The following SMOX variants were observed in gnomAD, a reference collection of about 807,000 sequenced individuals.
SMOX encodes the protein flavin containing amine oxidase.
A neutral mutation model predicts 51.0 loss-of-function variants in SMOX; 22 were observed. That is an observed-to-expected ratio of 0.43 (90% CI 0.31 to 0.62). The LOEUF is 0.62. Among genes scored for constraint, SMOX ranks in the 20% least tolerant of loss-of-function variants. The pLI, the probability that SMOX is intolerant of heterozygous loss-of-function variation, is 0.10. For synonymous variants in SMOX, 282 were observed against 307.8 expected, an observed-to-expected ratio of 0.92 and a Z score of 0.88; for missense variants, 566 against 777.7, an observed-to-expected ratio of 0.73 and a Z score of 3.24.
At chr20:4,158,423 A>G (rs773326415) in intron 1 of SMOX, among the ~76,000 whole-genome samples, 1 of 152,024 alleles carries the variant, frequency 6.6e-6, no homozygotes, top group African/African-American at 2.4e-5. Context: ...GGATGAGGAA[A>G]AGCATCTGGA....
At chr20:4,162,369 A>G (rs1307680605) in intron 1 of SMOX, among the ~76,000 whole-genome samples, 1 of 152,184 alleles carries the variant, frequency 6.6e-6, no homozygotes, top group Non-Finnish European at 1.5e-5. Flanking sequence ...TCCCGGAGAG[A>G]GAGAAAAGGG....
In SMOX at chr20:4,183,626, T is replaced by C; in HGVS notation, c.1502T>C (p.Leu501Pro). ...GADVEKLAKP[L>P]PYTESSKTAP... ...GATGTGGAGAAGCTGGCCAAGCCCCTGCCGTACACAGAGAGCTCAAAGACA... is the reference window on the plus strand; with the variant it reads ...GATGTGGAGAAGCTGGCCAAGCCCCCGCCGTACACAGAGAGCTCAAAGACA... The change falls in exon 6 of 7, where the codon CTG becomes CCG. Residue 501 changes from leucine (L) to proline (P), a missense_variant. Physicochemically the swap from Leu to Pro is moderately conservative, Grantham distance 98 (BLOSUM62 -3). Transcript: ENST00000305958. This position sits in a 1 kb window ranked among gnomAD's most constrained non-coding sequence, Gnocchi z 4.3. 1 of 1,596,626 alleles carries C rather than the reference T, an allele frequency of 6.3e-7. No individual in the cohort carries two copies. Among genetic ancestry groups the C allele is most frequent in the Non-Finnish European group, 8.5e-7 (1 of 1,171,252 alleles).
At chr20:4,165,775 G>A (rs183916408) in intron 1 of SMOX, among the ~76,000 whole-genome samples, 5 of 152,306 alleles carry the variant, frequency 3.3e-5, no homozygotes, top group South Asian at 2.1e-4. Context: ...GGCCACACTG[G>A]TTAGTGGCAG....
rs769409779 is a variant in SMOX at position 4,186,781 on chromosome 20, C to T, written c.1531-489C>T. Reference sequence around the variant, plus strand: ...CAAAGCAGCAGCCTGGTCACCTTTTCTCTTCCAAGTGCCCAGAACAGCCCC... The same window carrying T: ...CAAAGCAGCAGCCTGGTCACCTTTTTTCTTCCAAGTGCCCAGAACAGCCCC... On this transcript the variant is annotated intron_variant, in intron 6 of 6. Coordinates refer to ENST00000305958, the MANE Select transcript of SMOX (RefSeq NM_175839.3). 1.3e-5 allele frequency: 10 copies of T among 780,984 alleles called. No individual in the cohort carries two copies. In the East Asian group the frequency reaches 2.4e-4, roughly 19 times the overall value. The allele number at this position is 780,984 out of a possible 1,614,324, so 48.4% of individuals were successfully genotyped here.
chr20:4,186,687 T>C (rs772370518), intron 6 of SMOX: 8 of 773,374 alleles, frequency 1.0e-5, no homozygotes, highest in Admixed American at 1.7e-5. Context: ...AAACACCCAT[T>C]CCATCACATA....
At chr20:4,165,296 C>T (rs1281179071) in intron 1 of SMOX, among the ~76,000 whole-genome samples, 5 of 151,964 alleles carry the variant, frequency 3.3e-5, no homozygotes, top group African/African-American at 9.7e-5. Context: ...CCTCATGATC[C>T]GCCCGCCTTG....
intron 1 of SMOX, among the ~76,000 whole-genome samples, chr20:4,163,946 A>G (rs1986444017): frequency 1.3e-5 from 2 of 152,208 alleles, no homozygotes; most frequent in African/African-American, 4.8e-5. Flanking sequence ...AGCTTGGGAG[A>G]GAACTACACC....
chr20:4,165,598 G>T (rs1308728211), intron 1 of SMOX, among the ~76,000 whole-genome samples: 1 of 152,200 alleles, frequency 6.6e-6, no homozygotes, highest in Non-Finnish European at 1.5e-5. Context: ...AGACCATGGG[G>T]TCTTATCCTA....
intron 1 of SMOX, among the ~76,000 whole-genome samples, chr20:4,174,033 G>A (rs187372350): frequency 4.6e-5 from 7 of 152,236 alleles, no homozygotes; most frequent in Admixed American, 4.6e-4. Context: ...TTGGTCCACT[G>A]TTTCCTGGGC....
intron 3 of SMOX, among the ~76,000 whole-genome samples, chr20:4,178,709 GT>G: frequency 6.9e-6 from 1 of 144,928 alleles, no homozygotes; most frequent in East Asian, 2.0e-4. Context: ...TTGAGACGGA[GT>G]TTCGCTCTTG....
chr20:4,180,767 T>C (rs546909932), intron 3 of SMOX, among the ~76,000 whole-genome samples: 1 of 152,194 alleles, frequency 6.6e-6, no homozygotes, highest in African/African-American at 2.4e-5. Flanking sequence ...AATGCTTTTC[T>C]TCTCCCTTTC....
intron 1 of SMOX, among the ~76,000 whole-genome samples, chr20:4,150,318 T>C (rs1303844887): frequency 2.6e-5 from 4 of 152,136 alleles, no homozygotes; most frequent in African/African-American, 7.2e-5. Flanking sequence ...GTCCCACCCC[T>C]TCACTGAAAC....
rs1318276849 is a variant in SMOX at position 4,153,516 on chromosome 20, G to C, written c.-27+4539G>C. Among the ~76,000 whole-genome samples, 2 of 152,094 alleles carry C rather than the reference G, an allele frequency of 1.3e-5. No individual in the cohort carries two copies. The highest frequency in any genetic ancestry group is 3.2e-3 in the Middle Eastern group (1 of 316). On this transcript the variant is annotated intron_variant, in intron 1 of 6. Coordinates refer to ENST00000305958, the MANE Select transcript of SMOX (RefSeq NM_175839.3). The surrounding 1 kb of genome is among the most constrained non-coding windows in gnomAD (Gnocchi z 4.4). ...GGCACGAGGATGACTCTAGGCAGGT[G>C]ACCTGGCCTCCCAGGGACCTGGCTG... is the stretch of plus-strand genomic sequence containing the variant.
At chr20:4,171,964 G>C (rs2122512068) in intron 1 of SMOX, 1 of 152,456 alleles carries the variant, frequency 6.6e-6, no homozygotes, top group East Asian at 1.9e-4. Flanking sequence ...AGCTGGCTGG[G>C]ACGGCCCTGC....
chr20:4,155,074 A>G lies in SMOX; in HGVS notation c.-27+6097A>G, dbSNP rs557658401. ...TGACTGTATCCCGGGGCAGGGTGAC[A>G]TGCAGACAGCACGGAGGGCACCTTA... is the stretch of plus-strand genomic sequence containing the variant. On this transcript the variant is annotated intron_variant, in intron 1 of 6. Coordinates refer to ENST00000305958, the MANE Select transcript of SMOX (RefSeq NM_175839.3). 2.6e-5 allele frequency among the ~76,000 whole-genome samples: 4 copies of G among 152,238 alleles called. No homozygotes were observed. The East Asian group carries it at 7.7e-4, about 29-fold the overall frequency.
chr20:4,162,038 C>T (rs1399936278), intron 1 of SMOX, among the ~76,000 whole-genome samples: 2 of 152,202 alleles, frequency 1.3e-5, no homozygotes, highest in African/African-American at 2.4e-5. Context: ...GTGCCTGCCC[C>T]GCCCCCTTCC....
chr20:4,183,085 G>C lies in SMOX; in HGVS notation c.1369+237G>C. 1 of 620,610 alleles carries C rather than the reference G, an allele frequency of 1.6e-6. No homozygotes were observed. The highest frequency in any genetic ancestry group is 1.8e-5 in the African/African-American group (1 of 54,402). The allele number at this position is 620,610 out of a possible 1,614,324, so 38.4% of individuals were successfully genotyped here. A position where few individuals can be genotyped will look rare whatever the true frequency, so the allele number is the denominator to read the frequency against. ...TGTCTCTTCCCCCTTTCTAAAGGCT[G>C]ATGGTAAAACACTCAGAGATCACCG... On this transcript the variant is annotated intron_variant, in intron 5 of 6. Transcript: ENST00000305958. This position sits in a 1 kb window ranked among gnomAD's most constrained non-coding sequence, Gnocchi z 4.3.
At chr20:4,160,951 G>A (rs1986282578) in intron 1 of SMOX, among the ~76,000 whole-genome samples, 1 of 152,212 alleles carries the variant, frequency 6.6e-6, no homozygotes, top group African/African-American at 2.4e-5. Flanking sequence ...CCCCGGGGCT[G>A]GAGCTGAAGC....
In SMOX at chr20:4,148,947, CAG is replaced by C. The variant is rs1568725616; in HGVS notation, c.-55_-54del. Reference sequence around the variant, plus strand: ...GCCGAGACCGGAGCGCCGCTCGCCGCAGACTTACTTCCCCGGCTCAGCAGGGA... The same window carrying C: ...GCCGAGACCGGAGCGCCGCTCGCCGCACTTACTTCCCCGGCTCAGCAGGGA... On this transcript the variant is annotated 5_prime_UTR_variant, in exon 1 of 7. Coordinates refer to ENST00000305958, the MANE Select transcript of SMOX (RefSeq NM_175839.3). 6.6e-6 allele frequency: 1 copy of C among 152,064 alleles called. No homozygotes were observed. Among genetic ancestry groups the C allele is most frequent in the Non-Finnish European group, 1.5e-5 (1 of 68,070 alleles). The allele number at this position is 152,064 out of a possible 1,614,324, so 9.4% of individuals were successfully genotyped here. A position where few individuals can be genotyped will look rare whatever the true frequency, so the allele number is the denominator to read the frequency against.
Sources: allele counts gnomAD v4.1 joint callset (sites outside exome capture counted in the v4.1 genomes callset), GRCh38; gene constraint gnomAD v4.1.1; non-coding constraint Gnocchi (gnomAD v3.1); transcripts MANE v1.5; gene names NCBI Gene and HGNC (gene_info 2026-07-23, HGNC 2026-07-21).